The following FTO variants were observed in gnomAD, a reference collection of about 807,000 sequenced individuals.
FTO encodes the protein alpha-ketoglutarate-dependent dioxygenase FTO.
In FTO, 47 loss-of-function variants were observed where a neutral mutation model predicts 63.9. The observed-to-expected ratio is 0.74, with a 90% confidence interval of 0.58 to 0.94. FTO has a LOEUF of 0.94. Ranked by LOEUF, FTO falls within the 40% of genes least tolerant of loss-of-function variation. The pLI, the probability that FTO is intolerant of heterozygous loss-of-function variation, is 0.00. For missense variants in FTO, 562 were observed against 618.1 expected (o/e 0.91, Z 0.96); for synonymous variants, 207 against 224.4 (o/e 0.92, Z 0.69).
chr16:53,723,597 C>A (rs2076087867), intron 1 of FTO, among the ~76,000 whole-genome samples: 1 of 152,188 alleles, frequency 6.6e-6, no homozygotes, highest in African/African-American at 2.4e-5. Context: ...TAACTTTATT[C>A]CCCATGCCTC....
At chr16:53,962,009 C>T (rs1025468115) in intron 8 of FTO, among the ~76,000 whole-genome samples, 19 of 152,128 alleles carry the variant, frequency 1.2e-4, no homozygotes, top group Admixed American at 8.5e-4. Flanking sequence ...CCAAAGCATC[C>T]GAATCACTAG....
At chr16:53,774,560 G>A (rs1055650689) in intron 1 of FTO, among the ~76,000 whole-genome samples, 1 of 152,084 alleles carries the variant, frequency 6.6e-6, no homozygotes, top group African/African-American at 2.4e-5. Context: ...TTTTAACTGT[G>A]TATCAACTAT....
intron 4 of FTO, among the ~76,000 whole-genome samples, chr16:53,852,815 T>C (rs1281527710): frequency 1.3e-5 from 2 of 152,192 alleles, no homozygotes; most frequent in African/African-American, 4.8e-5. Context: ...TGGAGACTTA[T>C]ATTCGTCTTT....
chr16:53,955,104 A>G (rs1386290832), intron 8 of FTO, among the ~76,000 whole-genome samples: 3 of 152,160 alleles, frequency 2.0e-5, no homozygotes, highest in Admixed American at 6.5e-5. Flanking sequence ...TTCTTTAAGC[A>G]TTAGTGCCAT....
rs6499648 is a variant in FTO, at chr16:53,827,227, C to T, written c.751+736C>T. 0.77 allele frequency among the ~76,000 whole-genome samples: 117,098 copies of T among 152,050 alleles called. 45,146 individuals carry two copies. The highest frequency in any genetic ancestry group is 0.82 in the African/African-American group (34,165 of 41,458). ...ACCTCTTAGTAGCCCACCCACATTT[C>T]TCTTCTTCTATTATTGTTTCTGTGT... On this transcript the variant is annotated intron_variant, in intron 3 of 8. Transcript: ENST00000471389.
chr16:53,980,579 A>G (rs1401093909), intron 8 of FTO, among the ~76,000 whole-genome samples: 2 of 152,230 alleles, frequency 1.3e-5, no homozygotes, highest in East Asian at 1.9e-4. Flanking sequence ...AACTGCCTGA[A>G]CAACTTACAG....
At chr16:53,844,968 C>G (rs1297659402) in intron 4 of FTO, among the ~76,000 whole-genome samples, 1 of 151,542 alleles carries the variant, frequency 6.6e-6, no homozygotes, top group Non-Finnish European at 1.5e-5. Context: ...AACAGCTGAC[C>G]TGACAATGGG....
chr16:54,055,445 A>G (rs1433818616), intron 8 of FTO, among the ~76,000 whole-genome samples: 1 of 152,222 alleles, frequency 6.6e-6, no homozygotes, highest in African/African-American at 2.4e-5. Flanking sequence ...GCAACGAGCT[A>G]TGTCTAGAGG....
intron 7 of FTO, among the ~76,000 whole-genome samples, chr16:53,890,633 A>C (rs1258462988): frequency 6.6e-6 from 1 of 152,192 alleles, no homozygotes; most frequent in Non-Finnish European, 1.5e-5. Flanking sequence ...TAATGTATTA[A>C]TAGTATCACA....
intron 8 of FTO, among the ~76,000 whole-genome samples, chr16:54,087,735 C>T (rs1194818356): frequency 6.6e-6 from 1 of 152,170 alleles, no homozygotes; most frequent in African/African-American, 2.4e-5. Flanking sequence ...CCCTGGAGTT[C>T]ACAGTGAGCT....
rs116950988 is a variant in FTO, at chr16:53,722,282, A to G, written c.45+18053A>G. 3.3e-3 allele frequency among the ~76,000 whole-genome samples: 497 copies of G among 152,308 alleles called. 3 individuals are homozygous for G. The highest frequency in any genetic ancestry group is 0.02 in the South Asian group (97 of 4,824). ...TTGCTTATACATAGTAGTGTTTTAT[A>G]CACAGTAATTCTCTTTTCCCTATGG... On this transcript the variant is annotated intron_variant, in intron 1 of 8. Transcript: ENST00000471389.
chr16:53,962,621 C>G lies in FTO; in HGVS notation c.1364+28512C>G, dbSNP rs548249444. Among the ~76,000 whole-genome samples the G allele has an allele frequency of 3.3e-5, 5 of 152,278 alleles. No homozygotes were observed. In the South Asian group the frequency reaches 1.0e-3, roughly 32 times the overall value. ...GATGCGTCCTGCATAAGTGCTTTCT[C>G]TCTTGACATAGACAACTGTAATTTG... On this transcript the variant is annotated intron_variant, in intron 8 of 8. Coordinates refer to ENST00000471389, the MANE Select transcript of FTO (RefSeq NM_001080432.3).
At chr16:54,078,424 A>G (rs1468767127) in intron 8 of FTO, among the ~76,000 whole-genome samples, 2 of 149,252 alleles carry the variant, frequency 1.3e-5, no homozygotes, top group Non-Finnish European at 3.0e-5. Flanking sequence ...TTATAAATAT[A>G]TATTTGCACA....
chr16:53,838,674 T>C (rs1243470240), intron 3 of FTO, among the ~76,000 whole-genome samples: 11 of 151,962 alleles, frequency 7.2e-5, no homozygotes, highest in Admixed American at 6.6e-4. Context: ...GAAATAGGGC[T>C]GTTTTTAACA....
intron 8 of FTO, chr16:53,981,533 G>A (rs781638136): frequency 5.9e-5 from 9 of 152,366 alleles, no homozygotes; most frequent in African/African-American, 9.6e-5. Context: ...AACACTTTGG[G>A]AGGCCAAGAC....
intron 8 of FTO, among the ~76,000 whole-genome samples, chr16:54,058,604 A>G (rs1433078080): frequency 2.6e-5 from 4 of 152,154 alleles, no homozygotes; most frequent in Non-Finnish European, 5.9e-5. Context: ...CTCTTTTTCC[A>G]TCTGCTGCAG....
intron 1 of FTO, among the ~76,000 whole-genome samples, chr16:53,762,156 C>G (rs2077087319): frequency 6.6e-6 from 1 of 152,094 alleles, no homozygotes; most frequent in African/African-American, 2.4e-5. Context: ...CTGTAGATAG[C>G]CTGTTTCACA....
intron 8 of FTO, among the ~76,000 whole-genome samples, chr16:54,018,595 G>A: frequency 6.6e-6 from 1 of 152,094 alleles, no homozygotes; most frequent in Admixed American, 6.5e-5. Flanking sequence ...GAGACCCAGT[G>A]GGAGGTAATT....
intron 8 of FTO, among the ~76,000 whole-genome samples, chr16:54,014,921 T>C (rs2144102184): frequency 6.9e-6 from 1 of 144,208 alleles, no homozygotes; most frequent in East Asian, 2.2e-4. Flanking sequence ...AGTAGTGCAA[T>C]CACAGCTCGC....
Sources: allele counts gnomAD v4.1 joint callset (sites outside exome capture counted in the v4.1 genomes callset), GRCh38; gene constraint gnomAD v4.1.1; transcripts MANE v1.5; gene names NCBI Gene and HGNC (gene_info 2026-07-23, HGNC 2026-07-21).